Variants in HFM1 observed in about 807,000 individuals in gnomAD.
The protein encoded by HFM1 is probable ATP-dependent DNA helicase HFM1.
In HFM1, 169 loss-of-function variants were observed where a neutral mutation model predicts 192.1. The observed-to-expected ratio is 0.88, with a 90% CI of 0.78 to 1.00. HFM1 has a LOEUF of 1.00. Ranked by LOEUF, HFM1 falls within the 50% of genes least tolerant of loss-of-function variation. The pLI, the probability that HFM1 is intolerant of heterozygous loss-of-function variation, is 0.00. For missense variants in HFM1, 1,661 were observed against 1,668.0 expected (o/e 1.00, Z 0.07); for synonymous variants, 525 against 537.8 (o/e 0.98, Z 0.33).
intron 16 of HFM1, 65 bp from the exon 17 acceptor site, chr1:91,351,708 A>T: frequency 2.7e-6 from 2 of 750,958 alleles, no homozygotes; most frequent in Non-Finnish European, 4.5e-6. Context: ...CCTCTTCAAT[A>T]ACTGAAGACT....
At chr1:91,297,408 TTAAA>T (rs1647821086) in intron 30 of HFM1, among the ~76,000 whole-genome samples, 1 of 152,198 alleles carries the variant, frequency 6.6e-6, no homozygotes, top group Non-Finnish European at 1.5e-5. Flanking sequence ...ATCTGCAGAC[TTAAA>T]TGTCCCTGTC....
At chr1:91,279,061 C>G (rs1311118654) in intron 30 of HFM1, among the ~76,000 whole-genome samples, 1 of 152,074 alleles carries the variant, frequency 6.6e-6, no homozygotes, top group Non-Finnish European at 1.5e-5. Flanking sequence ...TTCCTGAGAG[C>G]ATCCAATCTA....
chr1:91,277,789 TTATA>T (rs1190531976), intron 30 of HFM1, among the ~76,000 whole-genome samples: 1 of 123,772 alleles, frequency 8.1e-6, no homozygotes, highest in South Asian at 2.2e-4. Flanking sequence ...TGTATATACT[TTATA>T]TATAATATAT....
intron 30 of HFM1, among the ~76,000 whole-genome samples, chr1:91,299,840 C>G (rs1648386247): frequency 6.6e-6 from 1 of 152,094 alleles, no homozygotes; most frequent in African/African-American, 2.4e-5. Context: ...CAGGAAAGAT[C>G]TAAAATTGAC....
At chr1:91,324,571 C>T in intron 21 of HFM1, 104 bp downstream of exon 21, 2 of 630,832 alleles carry the variant, frequency 3.2e-6, no homozygotes, top group East Asian at 5.6e-5. Context: ...TTCTTTTCTG[C>T]TCATTCATTC....
chr1:91,274,806 G>T lies in HFM1; in HGVS notation c.3592C>A (p.Gln1198Lys). 3 of 1,532,710 alleles carry T rather than the reference G, an allele frequency of 2.0e-6. No homozygotes were observed. The highest frequency in any genetic ancestry group is 2.7e-6 in the Non-Finnish European group (3 of 1,111,098). The allele number at this position is 1,532,710 out of a possible 1,614,324, so 94.9% of individuals were successfully genotyped here. A position where few individuals can be genotyped will look rare whatever the true frequency, so the allele number is the denominator to read the frequency against. Residue 1198 changes from glutamine (Q) to lysine (K), a missense_variant, in exon 33 of 39, where the codon CAG becomes AAG. Transcript: ENST00000370425. The stretch of plus-strand genomic sequence containing the variant: ...TCCACACTTTGAGATTTATTCATCT[G>T]TATCTATTAATGAAACAAAAATAAG... ...SVPPVKRLKI[Q>K]MNKSQSVDLK...
At chr1:91,335,158 C>A (rs1287748859) in intron 20 of HFM1, among the ~76,000 whole-genome samples, 1 of 152,120 alleles carries the variant, frequency 6.6e-6, no homozygotes, top group African/African-American at 2.4e-5. Context: ...ATAGATAAAA[C>A]TAACAATCAG....
In HFM1 at chr1:91,302,773, G is replaced by T. The variant is rs540430204; in HGVS notation, c.3391+10576C>A. Reference sequence around the variant, plus strand: ...CAGGAAGTGGAACATCACACTCTGGGGCCTGTTGTGGGGTGGGGGGGAGGG... The same window carrying T: ...CAGGAAGTGGAACATCACACTCTGGTGCCTGTTGTGGGGTGGGGGGGAGGG... On this transcript the variant is annotated intron_variant, in intron 30 of 38. Transcript: ENST00000370425. Among the ~76,000 whole-genome samples, 11 of 144,268 alleles carry T rather than the reference G, an allele frequency of 7.6e-5. No homozygotes were observed. The East Asian group carries it at 2.3e-3, about 30-fold the overall frequency. 94.6% of individuals were successfully genotyped at this position (144,268 alleles called of 152,430 possible).
At chr1:91,297,142 A>G (rs575379216) in intron 30 of HFM1, among the ~76,000 whole-genome samples, 13 of 152,314 alleles carry the variant, frequency 8.5e-5, no homozygotes, top group Admixed American at 1.3e-4. Context: ...CCAGGAGATT[A>G]TATCACGCGC....
At chr1:91,404,308 G>A (rs553695996) in intron 1 of HFM1, among the ~76,000 whole-genome samples, 4 of 152,360 alleles carry the variant, frequency 2.6e-5, no homozygotes, top group East Asian at 1.9e-4. Flanking sequence ...CAAGGCAGAG[G>A]CCTTAGGGCC....
At chr1:91,395,758 T>A (rs1012794057) in intron 3 of HFM1, among the ~76,000 whole-genome samples, 9 of 152,172 alleles carry the variant, frequency 5.9e-5, no homozygotes, top group Admixed American at 3.3e-4. Context: ...CAATGTGTAA[T>A]GATCAAATCA....
At position 91,299,183 on chromosome 1, in the gene HFM1, A is replaced by G. The variant is rs566920187; in HGVS notation, c.3391+14166T>C. Among the ~76,000 whole-genome samples the G allele has an allele frequency of 2.0e-5, 3 of 152,266 alleles. No homozygotes were observed. In the South Asian group the frequency reaches 6.2e-4, roughly 32 times the overall value. On this transcript the variant is annotated intron_variant, in intron 30 of 38. Coordinates refer to ENST00000370425, the MANE Select transcript of HFM1 (RefSeq NM_001017975.6). ...ACTTTAAACCAACAAAGATCAAAAG[A>G]CACAAAGGCCATTATAATGGTAAAG...
intron 28 of HFM1, among the ~76,000 whole-genome samples, 153 bp from the exon 29 acceptor site, chr1:91,314,213 A>T (rs1479593318): frequency 6.6e-6 from 1 of 152,240 alleles, no homozygotes; most frequent in Non-Finnish European, 1.5e-5. Flanking sequence ...AGGAGGGAGA[A>T]TAAAGTATCA....
intron 30 of HFM1, among the ~76,000 whole-genome samples, chr1:91,305,436 A>G (rs1234160520): frequency 6.6e-6 from 1 of 152,110 alleles, no homozygotes; most frequent in East Asian, 1.9e-4. Flanking sequence ...CTATTGTACA[A>G]TTGTTTTTTA....
chr1:91,321,563 G>A (rs1396585249), intron 23 of HFM1, among the ~76,000 whole-genome samples: 1 of 152,160 alleles, frequency 6.6e-6, no homozygotes, highest in African/African-American at 2.4e-5. Flanking sequence ...TTGAAGTTCA[G>A]CAAAGTAACA....
At chr1:91,302,765 C>T (rs993168484) in intron 30 of HFM1, among the ~76,000 whole-genome samples, 2 of 131,206 alleles carry the variant, frequency 1.5e-5, no homozygotes, top group Non-Finnish European at 3.1e-5. Context: ...TGGAACATCA[C>T]ACTCTGGGGC....
intron 4 of HFM1, among the ~76,000 whole-genome samples, chr1:91,388,679 T>C: frequency 6.6e-6 from 1 of 152,218 alleles, no homozygotes; most frequent in East Asian, 1.9e-4. Flanking sequence ...TAAATCTTCA[T>C]GACCTTGGAT....
chr1:91,270,997 C>A (rs943776794), intron 34 of HFM1, among the ~76,000 whole-genome samples: 1 of 152,020 alleles, frequency 6.6e-6, no homozygotes, highest in East Asian at 1.9e-4. Flanking sequence ...GGTATGCTTT[C>A]CCTTCTTTTA....
At chr1:91,296,830 T>C (rs542103109) in intron 30 of HFM1, among the ~76,000 whole-genome samples, 21 of 152,244 alleles carry the variant, frequency 1.4e-4, no homozygotes, top group African/African-American at 5.1e-4. Context: ...GATGGCCAAA[T>C]AGGAACAGCC....
Sources: allele counts gnomAD v4.1 joint callset (sites outside exome capture counted in the v4.1 genomes callset), GRCh38; gene constraint gnomAD v4.1.1; transcripts MANE v1.5; gene names NCBI Gene and HGNC (gene_info 2026-07-23, HGNC 2026-07-21).